Variants in NEDD9 observed in about 807,000 individuals in gnomAD.
NEDD9 encodes the protein enhancer of filamentation 1.
In NEDD9, 26 loss-of-function variants were observed where a neutral mutation model predicts 76.6. The ratio of observed to expected loss-of-function variants is 0.34; its 90% CI spans 0.25 to 0.47. The LOEUF is 0.47. Among genes scored for constraint, NEDD9 ranks in the 20% least tolerant of loss-of-function variants. NEDD9 has a pLI of 1.00. For synonymous variants in NEDD9, 392 were observed against 414.2 expected, an observed-to-expected ratio of 0.95 and a Z score of 0.65; for missense variants, 937 against 1,058.5, an observed-to-expected ratio of 0.89 and a Z score of 1.59.
At chr6:11,324,811 G>A (rs1761887063) in intron 2 of NEDD9, among the ~76,000 whole-genome samples, 1 of 152,192 alleles carries the variant, frequency 6.6e-6, no homozygotes, top group Non-Finnish European at 1.5e-5. Context: ...ACAGCCCTGA[G>A]AGGCCACACT....
In NEDD9 at chr6:11,263,930, GTCT is replaced by G. The variant is rs1760158435; in HGVS notation, c.12+42059_12+42061del. 2.0e-5 allele frequency among the ~76,000 whole-genome samples: 3 copies of G among 152,286 alleles called. No individual in the cohort carries two copies. The South Asian group carries it at 6.2e-4, about 32-fold the overall frequency. On this transcript the variant is annotated intron_variant, in intron 3 of 3. Coordinates refer to the NEDD9 transcript ENST00000397378. ...CATGTAGATATCAGAGCATCTCTTAGTCTTCTTAGGTTCAAGTCTAGACTTGAG... is the reference window on the plus strand; with the variant it reads ...CATGTAGATATCAGAGCATCTCTTAGTCTTAGGTTCAAGTCTAGACTTGAG...
At chr6:11,367,115 C>A (rs1431968525) in intron 1 of NEDD9, among the ~76,000 whole-genome samples, 1 of 152,168 alleles carries the variant, frequency 6.6e-6, no homozygotes, top group African/African-American at 2.4e-5. Context: ...AAGGGCACTG[C>A]AGTGGACTCT....
chr6:11,199,324 G>A (rs977608540), intron 2 of NEDD9: 1 of 152,142 alleles, frequency 6.6e-6, no homozygotes, highest in Non-Finnish European at 1.5e-5. Context: ...AGGCAGAGCT[G>A]GATCTAAATC....
At chr6:11,221,473 C>T (rs1028248640) in intron 1 of NEDD9, among the ~76,000 whole-genome samples, 4 of 152,030 alleles carry the variant, frequency 2.6e-5, no homozygotes, top group Non-Finnish European at 5.9e-5. Flanking sequence ...TCACCCATAC[C>T]TTGACCAGAG....
chr6:11,352,559 T>C (rs767854477), intron 1 of NEDD9: 2 of 152,236 alleles, frequency 1.3e-5, no homozygotes, highest in African/African-American at 4.8e-5. Context: ...ACCAGCAACA[T>C]GGCATCATGG....
At chr6:11,324,273 C>T (rs1454714591) in intron 2 of NEDD9, among the ~76,000 whole-genome samples, 1 of 152,226 alleles carries the variant, frequency 6.6e-6, no homozygotes, top group Non-Finnish European at 1.5e-5. Flanking sequence ...CTGCCTGTCT[C>T]CTCTTTCCTG....
At chr6:11,259,779 G>T (rs1311402808) in intron 3 of NEDD9, among the ~76,000 whole-genome samples, 1 of 152,174 alleles carries the variant, frequency 6.6e-6, no homozygotes, top group East Asian at 1.9e-4. Context: ...ATTGTTTTAA[G>T]ATAAAGCAAC....
At position 11,297,947 on chromosome 6, in the gene NEDD9, G is replaced by A. The variant is rs142998341; in HGVS notation, c.12+8045C>T. On this transcript the variant is annotated intron_variant, in intron 3 of 3. Transcript: ENST00000397378. ...TTTGGAGACAGAGTCTCGCTTTGTC[G>A]CCTAGGTTGGAGTGCAGTGGTGCAA... is the stretch of plus-strand genomic sequence containing the variant. 9.0e-3 allele frequency among the ~76,000 whole-genome samples: 1,268 copies of A among 140,594 alleles called. 13 individuals carry two copies. The highest frequency in any genetic ancestry group is 0.058 in the East Asian group (284 of 4,860). The allele number at this position is 140,594 out of a possible 152,430, so 92.2% of individuals were successfully genotyped here. A position where few individuals can be genotyped will look rare whatever the true frequency, so the allele number is the denominator to read the frequency against.
At chr6:11,332,838 T>C (rs966203035) in intron 2 of NEDD9, among the ~76,000 whole-genome samples, 2 of 152,164 alleles carry the variant, frequency 1.3e-5, no homozygotes, top group African/African-American at 4.8e-5. Context: ...TTCAGTGAAC[T>C]GTGAATGATG....
chr6:11,283,681 T>G (rs1760583286), intron 3 of NEDD9, among the ~76,000 whole-genome samples: 1 of 152,210 alleles, frequency 6.6e-6, no homozygotes, highest in African/African-American at 2.4e-5. Flanking sequence ...TCTTGAGTGC[T>G]TTTCTCTTTC....
chr6:11,272,646 G>C lies in NEDD9; in HGVS notation c.12+33346C>G, dbSNP rs78733100. ...GTTTCCTTTCCCCCACCTAACCTCA[G>C]ATTGCTCAGTTCCTTGCCTCCCCTT... is the stretch of plus-strand genomic sequence containing the variant. On this transcript the variant is annotated intron_variant, in intron 3 of 3. Transcript: ENST00000397378. Among the ~76,000 whole-genome samples the C allele has an allele frequency of 3.2e-3, 484 of 152,300 alleles. 3 individuals are homozygous for C. The highest frequency in any genetic ancestry group is 0.01 in the Middle Eastern group (3 of 294).
chr6:11,325,794 A>G (rs1361157113), intron 2 of NEDD9, among the ~76,000 whole-genome samples: 1 of 152,232 alleles, frequency 6.6e-6, no homozygotes, highest in African/African-American at 2.4e-5. Context: ...AAAGTTCCTT[A>G]CATTAAAAAG....
At chr6:11,373,137 G>C (rs887292937) in intron 1 of NEDD9, among the ~76,000 whole-genome samples, 5 of 146,156 alleles carry the variant, frequency 3.4e-5, no homozygotes, top group Non-Finnish European at 6.0e-5. Flanking sequence ...TCCTTGAACT[G>C]TTTTGCCATA....
intron 1 of NEDD9, among the ~76,000 whole-genome samples, chr6:11,378,861 C>G (rs922798479): frequency 6.6e-6 from 1 of 152,178 alleles, no homozygotes; most frequent in Non-Finnish European, 1.5e-5. Flanking sequence ...TACCTCCACC[C>G]GTCCCCTCAG....
At chr6:11,283,811 G>A (rs1388297157) in intron 3 of NEDD9, among the ~76,000 whole-genome samples, 1 of 152,198 alleles carries the variant, frequency 6.6e-6, no homozygotes, top group Non-Finnish European at 1.5e-5. Flanking sequence ...CAATTAGACA[G>A]ATTGTGTCAG....
chr6:11,219,644 G>A (rs1213576714), intron 1 of NEDD9, among the ~76,000 whole-genome samples: 1 of 152,252 alleles, frequency 6.6e-6, no homozygotes, highest in Non-Finnish European at 1.5e-5. Flanking sequence ...GCAGGCAGCT[G>A]AGGGATGAAC....
At chr6:11,280,716 T>G (rs1394770794) in intron 3 of NEDD9, among the ~76,000 whole-genome samples, 4 of 152,232 alleles carry the variant, frequency 2.6e-5, no homozygotes, top group African/African-American at 9.6e-5. Flanking sequence ...TCTTGACTCC[T>G]GTTGGGGGCC....
Position 11,185,354 on chromosome 6 carries a change from G to C in NEDD9, c.2313C>G (p.Asp771Glu), listed in dbSNP as rs761899954. 1 of 1,614,206 alleles carries C rather than the reference G, an allele frequency of 6.2e-7. No individual in the cohort carries two copies. The highest frequency in any genetic ancestry group is 8.5e-7 in the Non-Finnish European group (1 of 1,180,034). ...DTLTRQVTAQ[D>E]IRNKVMNSSN... The stretch of plus-strand genomic sequence containing the variant: ...TGGAGTTCATGACTTTGTTGCGAAT[G>C]TCCTGGGCAGTCACCTGCCGTGTCA... The change falls in exon 7 of 7, where the codon GAC becomes GAG. Residue 771 changes from aspartate to glutamate, a missense_variant. Coordinates refer to ENST00000379446, the MANE Select transcript of NEDD9 (RefSeq NM_006403.4).
chr6:11,256,527 G>A (rs933336746), intron 3 of NEDD9, among the ~76,000 whole-genome samples: 1 of 152,108 alleles, frequency 6.6e-6, no homozygotes, highest in African/African-American at 2.4e-5. Flanking sequence ...GTCTCACTCT[G>A]TCACCCAGGC....
Sources: allele counts gnomAD v4.1 joint callset (sites outside exome capture counted in the v4.1 genomes callset), GRCh38; gene constraint gnomAD v4.1.1; transcripts MANE v1.5; gene names NCBI Gene and HGNC (gene_info 2026-07-23, HGNC 2026-07-21).